The following LPGAT1 variants were observed in gnomAD, a reference collection of about 807,000 sequenced individuals.
The protein encoded by LPGAT1 is lysophosphatidylglycerol acyltransferase 1.
LPGAT1 carries 11 observed loss-of-function variants against 47.5 expected under a neutral mutation model. The observed-to-expected ratio is 0.23, with a 90% CI of 0.15 to 0.38. LPGAT1 has a LOEUF of 0.38. Ranked by LOEUF, LPGAT1 falls within the 10% of genes least tolerant of loss-of-function variation. The pLI is 1.00. For synonymous variants in LPGAT1, 138 were observed against 144.2 expected (o/e 0.96, Z 0.31); for missense variants, 293 against 439.0 (o/e 0.67, Z 2.97).
chr1:211,811,833 G>A (rs1223275853), intron 2 of LPGAT1, among the ~76,000 whole-genome samples: 1 of 93,440 alleles, frequency 1.1e-5, no homozygotes, highest in African/African-American at 3.1e-5. Flanking sequence ...TCCAGCCTGG[G>A]TGACAGAGTG....
rs1459642916 is a variant in LPGAT1, at chr1:211,797,341, C to G, written c.239-4151G>C. ...TTTTTTTTTTTTTTTGAGTCAGGAA[C>G]TCCTGGGCTGAAGCAATCCTTCTGT... On this transcript the variant is annotated intron_variant, in intron 2 of 7. Transcript: ENST00000366997. Among the ~76,000 whole-genome samples the G allele has an allele frequency of 3.1e-5, 4 of 128,190 alleles. 1 individual carries two copies. The South Asian group carries it at 1.0e-3, about 32-fold the overall frequency. 84.1% of individuals were successfully genotyped at this position (128,190 alleles called of 152,430 possible). A position where few individuals can be genotyped will look rare whatever the true frequency, so the allele number is the denominator to read the frequency against.
In LPGAT1 at chr1:211,830,401, G is replaced by C; in HGVS notation, c.-28+172C>G. ...CCGGGCGGGTCCCGGGGAGGCGGGC[G>C]GATGCCCCGCGCCCCCGCCTCCTCC... is the stretch of plus-strand genomic sequence containing the variant. On this transcript the variant is annotated intron_variant, in intron 1 of 7. Coordinates refer to ENST00000366997, the MANE Select transcript of LPGAT1 (RefSeq NM_014873.3). This position sits in a 1 kb window ranked among gnomAD's most constrained non-coding sequence, Gnocchi z 5.9. The C allele has an allele frequency of 6.0e-6, 7 of 1,174,466 alleles. No individual in the cohort carries two copies. Among genetic ancestry groups the C allele is most frequent in the Non-Finnish European group, 7.4e-6 (7 of 950,886 alleles). 72.8% of individuals were successfully genotyped at this position (1,174,466 alleles called of 1,614,324 possible).
intron 6 of LPGAT1, 113 bp downstream of exon 6, chr1:211,778,805 G>T: frequency 2.5e-6 from 2 of 802,276 alleles, no homozygotes; most frequent in Non-Finnish European, 3.6e-6. Context: ...GCATAAGAAT[G>T]AACTTGAGCC....
At position 211,829,111 on chromosome 1, in the gene LPGAT1, A is replaced by G; in HGVS notation, c.186T>C (p.Tyr62=). Residue 62 remains tyrosine (Y), a synonymous_variant, in exon 2 of 8, where the codon TAT becomes TAC. Coordinates refer to ENST00000366997, the MANE Select transcript of LPGAT1 (RefSeq NM_014873.3). ...AAGCTACCATTCCTAAAAGCCATTT[A>G]TACATGATTCCTTCGATATACCAGA... ...KRFWYIEGIM[Y]KWLLGMVASW... 1.2e-6 allele frequency: 2 copies of G among 1,614,202 alleles called. No homozygotes were observed. Among genetic ancestry groups the G allele is most frequent in the Non-Finnish European group, 8.5e-7 (1 of 1,180,032 alleles).
intron 2 of LPGAT1, among the ~76,000 whole-genome samples, chr1:211,799,796 C>T (rs1272544596): frequency 6.6e-6 from 1 of 152,174 alleles, no homozygotes; most frequent in African/African-American, 2.4e-5. Context: ...TCTTTGGACC[C>T]AGATGGGATT....
intron 2 of LPGAT1, among the ~76,000 whole-genome samples, chr1:211,806,439 A>G (rs1199308153): frequency 6.6e-6 from 1 of 152,114 alleles, no homozygotes; most frequent in Non-Finnish European, 1.5e-5. Context: ...CAAATACCGC[A>G]TGTTCTCACT....
chr1:211,794,172 A>G (rs1416641049), intron 2 of LPGAT1, among the ~76,000 whole-genome samples: 1 of 152,264 alleles, frequency 6.6e-6, no homozygotes, highest in Non-Finnish European at 1.5e-5. Flanking sequence ...CCTTAAAATA[A>G]TAAAACTAAT....
chr1:211,779,358 T>C (rs1028649617), intron 5 of LPGAT1, among the ~76,000 whole-genome samples: 1 of 152,064 alleles, frequency 6.6e-6, no homozygotes, highest in African/African-American at 2.4e-5. Context: ...AAAACTAACC[T>C]ATGAAAAGGT....
chr1:211,804,560 AT>A (rs1196456220), intron 2 of LPGAT1, among the ~76,000 whole-genome samples: 3 of 152,160 alleles, frequency 2.0e-5, no homozygotes, highest in African/African-American at 7.2e-5. Flanking sequence ...TATAAAGACA[AT>A]TTTTTAAATC....
At chr1:211,816,558 G>C (rs773535382) in intron 2 of LPGAT1, among the ~76,000 whole-genome samples, 1 of 152,188 alleles carries the variant, frequency 6.6e-6, no homozygotes, top group Non-Finnish European at 1.5e-5. Context: ...AGCTAGGCCT[G>C]AATAGCCTCA....
At chr1:211,825,101 A>G (rs1170858145) in intron 2 of LPGAT1, among the ~76,000 whole-genome samples, 4 of 151,380 alleles carry the variant, frequency 2.6e-5, no homozygotes, top group Non-Finnish European at 5.9e-5. Context: ...ACTTTGGCCC[A>G]TGACTCTCTC....
intron 5 of LPGAT1, among the ~76,000 whole-genome samples, chr1:211,780,212 T>C (rs1339636681): frequency 6.6e-6 from 1 of 152,058 alleles, no homozygotes; most frequent in African/African-American, 2.4e-5. Flanking sequence ...AATTAATAAA[T>C]AAATAAAGCA....
chr1:211,820,293 A>C (rs997099850), intron 2 of LPGAT1, among the ~76,000 whole-genome samples: 1 of 152,206 alleles, frequency 6.6e-6, no homozygotes, highest in Non-Finnish European at 1.5e-5. Context: ...AAAAAAGGTA[A>C]CTGGCATGGT....
At chr1:211,783,026 C>A (rs555961550) in intron 5 of LPGAT1, among the ~76,000 whole-genome samples, 1 of 152,124 alleles carries the variant, frequency 6.6e-6, no homozygotes, top group African/African-American at 2.4e-5. Context: ...TTTGACTTTA[C>A]GCATTTCTGT....
intron 2 of LPGAT1, among the ~76,000 whole-genome samples, chr1:211,816,321 C>T (rs1660172319): frequency 6.6e-6 from 1 of 152,188 alleles, no homozygotes; most frequent in African/African-American, 2.4e-5. Flanking sequence ...AGAACAGCAA[C>T]TATGTTGTTT....
At chr1:211,802,108 A>G (rs1209318960) in intron 2 of LPGAT1, among the ~76,000 whole-genome samples, 1 of 151,704 alleles carries the variant, frequency 6.6e-6, no homozygotes, top group African/African-American at 2.4e-5. Flanking sequence ...AAAAAGAGAA[A>G]AAAAGAAAGA....
rs906010235 is a variant in LPGAT1 at position 211,774,471 on chromosome 1, A to T, written c.854+4447T>A. Among the ~76,000 whole-genome samples the T allele has an allele frequency of 5.3e-5, 8 of 152,130 alleles. No homozygotes were observed. In the South Asian group the frequency reaches 1.7e-3, roughly 31 times the overall value. On this transcript the variant is annotated intron_variant, in intron 6 of 7. Transcript: ENST00000366997. ...CATCTCACAACAATGCATCCGCCAA[A>T]GTCAGGGCAACTTCTGGCCACCAGA...
chr1:211,789,512 C>A (rs1241688086), intron 3 of LPGAT1, among the ~76,000 whole-genome samples: 2 of 152,076 alleles, frequency 1.3e-5, no homozygotes, highest in African/African-American at 4.8e-5. Context: ...TAATAAAGTT[C>A]TTTTGACAGA....
chr1:211,751,753 G>A (rs141868046), intron 6 of LPGAT1, among the ~76,000 whole-genome samples: 50 of 152,204 alleles, frequency 3.3e-4, no homozygotes, highest in African/African-American at 1.2e-3. Flanking sequence ...AATTTAGTGG[G>A]GGATTTTTTG....
Sources: allele counts gnomAD v4.1 joint callset (sites outside exome capture counted in the v4.1 genomes callset), GRCh38; gene constraint gnomAD v4.1.1; non-coding constraint Gnocchi (gnomAD v3.1); transcripts MANE v1.5; gene names NCBI Gene and HGNC (gene_info 2026-07-23, HGNC 2026-07-21).